The following ODAD2 variants were observed in gnomAD, a reference collection of about 807,000 sequenced individuals.
The protein encoded by ODAD2 is outer dynein arm docking complex subunit 2.
ODAD2 carries 89 observed loss-of-function variants against 106.8 expected under a neutral mutation model. The ratio of observed to expected loss-of-function variants is 0.83; its 90% confidence interval spans 0.70 to 0.99. The LOEUF is 0.99. Ranked by LOEUF, ODAD2 falls within the 50% of genes least tolerant of loss-of-function variation. ODAD2 has a pLI of 0.00. For missense variants in ODAD2, 1,168 were observed against 1,238.5 expected (o/e 0.94, Z 0.85); for synonymous variants, 404 against 436.2 (o/e 0.93, Z 0.92).
chr10:27,828,618 G>A (rs977123550), intron 19 of ODAD2, among the ~76,000 whole-genome samples: 9 of 152,116 alleles, frequency 5.9e-5, no homozygotes, highest in Middle Eastern at 3.2e-3. Context: ...ATATGGTTAT[G>A]TTCATAATTT....
intron 16 of ODAD2, among the ~76,000 whole-genome samples, chr10:27,910,708 G>GA (rs1375482374): frequency 3.3e-5 from 5 of 152,098 alleles, no homozygotes; most frequent in Non-Finnish European, 7.4e-5. Flanking sequence ...AGTGAGCCCA[G>GA]ATTGCGCCAC....
Position 27,942,570 on chromosome 10 carries a change from G to C in ODAD2, c.1743+1652C>G, listed in dbSNP as rs113258185. Among the ~76,000 whole-genome samples, 541 of 152,284 alleles carry C rather than the reference G, an allele frequency of 3.6e-3. 2 individuals are homozygous for C. Among genetic ancestry groups the C allele is most frequent in the African/African-American group, 0.012 (514 of 41,566 alleles). On this transcript the variant is annotated intron_variant, in intron 12 of 19. Transcript: ENST00000305242. ...ATGTGATGCATAAAACATATTTTAT[G>C]TTACATTATCCATTCTTATAATTTA... is the stretch of plus-strand genomic sequence containing the variant.
At chr10:27,814,113 G>C (rs1225178198) in intron 19 of ODAD2, among the ~76,000 whole-genome samples, 1 of 152,168 alleles carries the variant, frequency 6.6e-6, no homozygotes, top group African/African-American at 2.4e-5. Context: ...CAGACAATTT[G>C]AAGGGGGAGA....
chr10:27,884,778 T>C (rs149790717), intron 17 of ODAD2, among the ~76,000 whole-genome samples: 22 of 152,192 alleles, frequency 1.4e-4, no homozygotes, highest in Admixed American at 2.0e-4. Context: ...GTGAGCCTCT[T>C]TGGAAAATTA....
intron 9 of ODAD2, among the ~76,000 whole-genome samples, chr10:27,966,326 A>G (rs1481906476): frequency 1.3e-5 from 2 of 152,212 alleles, no homozygotes; most frequent in African/African-American, 4.8e-5. Context: ...TGAAGCATAT[A>G]GTAGAATAAG....
chr10:27,815,322 T>C (rs1344478307), intron 19 of ODAD2, among the ~76,000 whole-genome samples: 1 of 152,156 alleles, frequency 6.6e-6, no homozygotes, highest in African/African-American at 2.4e-5. Context: ...TCTTACACAT[T>C]AAAAATAAAA....
chr10:27,882,174 AAAG>A (rs982677701), intron 17 of ODAD2, among the ~76,000 whole-genome samples: 9 of 29,260 alleles, frequency 3.1e-4, no homozygotes, highest in East Asian at 1.7e-3. Flanking sequence ...TCATAAAAAA[AAAG>A]AAAGAAAGAA....
Position 27,885,674 on chromosome 10 carries a change from T to TATATATA in ODAD2, c.2610+21982_2610+21988dup, listed in dbSNP as rs1341744317. On this transcript the variant is annotated intron_variant, in intron 17 of 19. Transcript: ENST00000305242. Reference sequence around the variant, plus strand: ...TATATATAATATATTATATATAAAATATATATAATATATAATATATAATAT... The same window carrying TATATATA: ...TATATATAATATATTATATATAAAATATATATAATATATAATATATAATATATAATAT... Among the ~76,000 whole-genome samples, 2 of 15,948 alleles carry TATATATA rather than the reference T, an allele frequency of 1.3e-4. 1 individual carries two copies. Among genetic ancestry groups the TATATATA allele is most frequent in the Non-Finnish European group, 4.1e-4 (2 of 4,884 alleles). 10.5% of individuals were successfully genotyped at this position (15,948 alleles called of 152,430 possible). A position where few individuals can be genotyped will look rare whatever the true frequency, so the allele number is the denominator to read the frequency against.
intron 7 of ODAD2, 56 bp from the exon 8 acceptor site, chr10:27,971,369 C>A: frequency 7.1e-7 from 1 of 1,407,614 alleles, no homozygotes; most frequent in Non-Finnish European, 9.5e-7. Context: ...CTAGTGTTCT[C>A]TGAAGATTAA....
chr10:27,863,093 G>A (rs1840173124), intron 17 of ODAD2, among the ~76,000 whole-genome samples: 1 of 152,158 alleles, frequency 6.6e-6, no homozygotes, highest in African/African-American at 2.4e-5. Flanking sequence ...TGTTTTATGT[G>A]TATTTCTGTT....
intron 17 of ODAD2, among the ~76,000 whole-genome samples, chr10:27,884,578 C>G (rs1841949091): frequency 6.6e-6 from 1 of 152,062 alleles, no homozygotes; most frequent in Non-Finnish European, 1.5e-5. Flanking sequence ...TCTGTTTTAT[C>G]TGACTCAGAG....
rs1845961759 is a variant in ODAD2, at chr10:27,936,203, A to G, written c.2252+523T>C. On this transcript the variant is annotated intron_variant, in intron 15 of 19. Transcript: ENST00000305242. Reference sequence around the variant, plus strand: ...ATTGTAATCTCTCAAAAATAGGAAGAGATAGATTTGAAAATTAAAATAAAT... The same window carrying G: ...ATTGTAATCTCTCAAAAATAGGAAGGGATAGATTTGAAAATTAAAATAAAT... 2.6e-5 allele frequency among the ~76,000 whole-genome samples: 4 copies of G among 152,238 alleles called. No individual in the cohort carries two copies. The South Asian group carries it at 8.3e-4, about 31-fold the overall frequency.
chr10:27,871,708 G>T (rs1218226267), intron 17 of ODAD2, among the ~76,000 whole-genome samples: 1 of 152,080 alleles, frequency 6.6e-6, no homozygotes, highest in African/African-American at 2.4e-5. Flanking sequence ...CTGTTCCATT[G>T]GTCTATATCT....
chr10:27,840,764 G>C (rs1174064245), intron 19 of ODAD2, among the ~76,000 whole-genome samples: 1 of 152,194 alleles, frequency 6.6e-6, no homozygotes, highest in Non-Finnish European at 1.5e-5. Context: ...AAAGGCTTTG[G>C]AGCTCAGCGC....
rs1842051662 is a variant in ODAD2 at position 27,885,555 on chromosome 10, TAAATATAAATATATATATATATAA to T, written c.2610+22084_2610+22107del. Reference sequence around the variant, plus strand: ...AAAAATATATATATATATAAATATATAAATATAAATATATATATATATAAATATATAAATATAAATATATATATA... The same window carrying T: ...AAAAATATATATATATATAAATATATATATATAAATATAAATATATATATA... On this transcript the variant is annotated intron_variant, in intron 17 of 19. Transcript: ENST00000305242. 2.3e-3 allele frequency among the ~76,000 whole-genome samples: 32 copies of T among 13,866 alleles called. 1 individual carries two copies. The highest frequency in any genetic ancestry group is 8.5e-3 in the African/African-American group (31 of 3,648). The allele number at this position is 13,866 out of a possible 152,430, so 9.1% of individuals were successfully genotyped here.
rs372594164 is a variant in ODAD2 at position 27,996,658 on chromosome 10, A to G, written c.-38-1478T>C. 1.2e-4 allele frequency among the ~76,000 whole-genome samples: 19 copies of G among 152,282 alleles called. 1 individual carries two copies. In the East Asian group the frequency reaches 3.3e-3, roughly 26 times the overall value. ...TTGTCACAGTTTTATTACACCCTGA[A>G]TTTTCCAGAATTGTAGCTACCATAA... On this transcript the variant is annotated intron_variant, in intron 1 of 19. Coordinates refer to ENST00000305242, the MANE Select transcript of ODAD2 (RefSeq NM_018076.5).
At chr10:27,975,705 T>C (rs1849146686) in intron 7 of ODAD2, among the ~76,000 whole-genome samples, 1 of 152,132 alleles carries the variant, frequency 6.6e-6, no homozygotes, top group Admixed American at 6.5e-5. Flanking sequence ...TACCAAACAT[T>C]TAATAAACCG....
At chr10:27,818,071 A>G (rs1034619740) in intron 19 of ODAD2, among the ~76,000 whole-genome samples, 1 of 150,838 alleles carries the variant, frequency 6.6e-6, no homozygotes, top group African/African-American at 2.4e-5. Flanking sequence ...TGGAGATTTC[A>G]CTCTTCCACA....
chr10:27,912,465 T>C (rs929386728), intron 16 of ODAD2, among the ~76,000 whole-genome samples: 1 of 152,140 alleles, frequency 6.6e-6, no homozygotes, highest in Non-Finnish European at 1.5e-5. Flanking sequence ...CAGGCTCTTG[T>C]TATGTTAACA....
Sources: allele counts gnomAD v4.1 joint callset (sites outside exome capture counted in the v4.1 genomes callset), GRCh38; gene constraint gnomAD v4.1.1; transcripts MANE v1.5; gene names NCBI Gene and HGNC (gene_info 2026-07-23, HGNC 2026-07-21).